The following LTBP1 variants were observed in gnomAD, a reference collection of about 807,000 sequenced individuals.
LTBP1 encodes the protein latent-transforming growth factor beta-binding protein 1.
A neutral mutation model predicts 207.6 loss-of-function variants in LTBP1; 129 were observed. The ratio of observed to expected loss-of-function variants is 0.62; its 90% CI spans 0.54 to 0.72. The LOEUF is 0.72. Ranked by LOEUF, LTBP1 falls within the 30% of genes least tolerant of loss-of-function variation. LTBP1 has a pLI of 0.00. For synonymous variants in LTBP1, 963 were observed against 833.7 expected, an observed-to-expected ratio of 1.16 and a Z score of -2.67; for missense variants, 2,281 against 2,217.2, an observed-to-expected ratio of 1.03 and a Z score of -0.58.
intron 7 of LTBP1, among the ~76,000 whole-genome samples, chr2:33,214,343 G>T (rs1428702215): frequency 6.6e-6 from 1 of 152,116 alleles, no homozygotes; most frequent in Non-Finnish European, 1.5e-5. Flanking sequence ...AGCTCAAGGA[G>T]TATGGAAACT....
intron 7 of LTBP1, among the ~76,000 whole-genome samples, chr2:33,209,487 A>G (rs1413390074): frequency 6.6e-6 from 1 of 152,166 alleles, no homozygotes; most frequent in East Asian, 1.9e-4. Flanking sequence ...TACAAGTTGA[A>G]TTATTGGAAT....
chr2:33,330,708 T>C (rs2094482835), intron 24 of LTBP1, among the ~76,000 whole-genome samples: 1 of 151,568 alleles, frequency 6.6e-6, no homozygotes, highest in South Asian at 2.1e-4. Context: ...AGTCTAAGCT[T>C]CAGTAATCTA....
chr2:33,249,364 CACAT>C (rs1449221894), intron 10 of LTBP1, among the ~76,000 whole-genome samples: 3 of 145,306 alleles, frequency 2.1e-5, no homozygotes, highest in African/African-American at 5.0e-5. Flanking sequence ...CACACACACA[CACAT>C]TTACAACCTC....
chr2:33,342,813 C>T (rs73925695), intron 24 of LTBP1, 25 bp from the exon 25 acceptor site: 1 of 1,610,500 alleles, frequency 6.2e-7, no homozygotes, highest in Non-Finnish European at 8.5e-7. Context: ...TGTTTTGTGT[C>T]TGATGTTCCA....
At chr2:33,175,698 T>A (rs982770262) in intron 5 of LTBP1, among the ~76,000 whole-genome samples, 13 of 152,150 alleles carry the variant, frequency 8.5e-5, no homozygotes, top group African/African-American at 3.1e-4. Context: ...TGAAGACACA[T>A]GCACACGTAT....
intron 3 of LTBP1, among the ~76,000 whole-genome samples, chr2:33,031,549 A>C (rs947306630): frequency 6.6e-6 from 1 of 152,250 alleles, no homozygotes; most frequent in Admixed American, 6.5e-5. Flanking sequence ...TATGTGGTGC[A>C]TAGTATAAAT....
intron 19 of LTBP1, among the ~76,000 whole-genome samples, chr2:33,286,840 C>G (rs1210264313): frequency 1.3e-5 from 2 of 152,116 alleles, no homozygotes; most frequent in African/African-American, 4.8e-5. Context: ...GACAAAAAAC[C>G]AAACACCGCA....
chr2:33,112,047 T>C (rs1002665474), intron 4 of LTBP1, among the ~76,000 whole-genome samples: 2 of 152,254 alleles, frequency 1.3e-5, no homozygotes. Flanking sequence ...ATGTACTTCT[T>C]ATTTCCTTGG....
At chr2:33,010,952 C>T (rs944110637) in intron 2 of LTBP1, among the ~76,000 whole-genome samples, 1 of 151,924 alleles carries the variant, frequency 6.6e-6, no homozygotes, top group Non-Finnish European at 1.5e-5. Flanking sequence ...TCTCTTGACC[C>T]CGTGATCTGC....
intron 9 of LTBP1, among the ~76,000 whole-genome samples, chr2:33,237,742 C>A (rs986592698): frequency 6.6e-6 from 1 of 152,070 alleles, no homozygotes; most frequent in African/African-American, 2.4e-5. Flanking sequence ...TTATTCTGTG[C>A]CTGTGAGAAT....
rs180860023 is a variant in LTBP1, at chr2:33,364,586, C to T, written c.4540+230C>T. 1.3e-3 allele frequency among the ~76,000 whole-genome samples: 201 copies of T among 152,282 alleles called. No homozygotes were observed. In the Middle Eastern group the frequency reaches 0.017, roughly 13 times the overall value. On this transcript the variant is annotated intron_variant, in intron 30 of 33. Transcript: ENST00000404816. ...TCATTAAGTATGGACTATGGAGTGG[C>T]TGAGCAGATGGCAGGGTTGTTCCAT...
At chr2:33,321,928 T>A (rs1314335570) in intron 24 of LTBP1, among the ~76,000 whole-genome samples, 1 of 152,210 alleles carries the variant, frequency 6.6e-6, no homozygotes, top group Non-Finnish European at 1.5e-5. Context: ...TCACACTCAC[T>A]CTTCCTGTGA....
chr2:33,172,124 A>G (rs1270360005), intron 5 of LTBP1, among the ~76,000 whole-genome samples: 1 of 152,202 alleles, frequency 6.6e-6, no homozygotes, highest in Non-Finnish European at 1.5e-5. Context: ...ACCAGCTAAC[A>G]TCAAAATGAC....
At chr2:33,173,352 T>A (rs1197902296) in intron 5 of LTBP1, among the ~76,000 whole-genome samples, 1 of 151,938 alleles carries the variant, frequency 6.6e-6, no homozygotes, top group Non-Finnish European at 1.5e-5. Context: ...AAATACAAAC[T>A]ACCATCAGAG....
intron 5 of LTBP1, among the ~76,000 whole-genome samples, chr2:33,145,896 A>C (rs1294930750): frequency 6.6e-6 from 1 of 152,172 alleles, no homozygotes; most frequent in African/African-American, 2.4e-5. Flanking sequence ...AGAAATCATA[A>C]CCTTATTTGG....
chr2:33,250,238 G>C (rs182215460), intron 10 of LTBP1, among the ~76,000 whole-genome samples: 5 of 152,178 alleles, frequency 3.3e-5, no homozygotes, highest in African/African-American at 1.2e-4. Flanking sequence ...ACCCTGTCAG[G>C]TATATGTGGC....
chr2:33,264,455 A>G (rs75225170), intron 15 of LTBP1, among the ~76,000 whole-genome samples: 8,634 of 152,208 alleles, frequency 0.057, 811 homozygotes, highest in African/African-American at 0.2. Context: ...TCATGAGTGA[A>G]ATAGCATAAA....
chr2:33,308,993 C>G (rs772446897), intron 22 of LTBP1, among the ~76,000 whole-genome samples: 3 of 151,898 alleles, frequency 2.0e-5, no homozygotes, highest in Non-Finnish European at 4.4e-5. Context: ...TTAAAAGTTC[C>G]ATTTCTTGGC....
intron 7 of LTBP1, among the ~76,000 whole-genome samples, chr2:33,192,459 A>G (rs571070423): frequency 4.6e-5 from 7 of 152,270 alleles, no homozygotes; most frequent in Admixed American, 4.6e-4. Context: ...AGTTAAAAAC[A>G]TCACACTCAG....
Sources: allele counts gnomAD v4.1 joint callset (sites outside exome capture counted in the v4.1 genomes callset), GRCh38; gene constraint gnomAD v4.1.1; transcripts MANE v1.5; gene names NCBI Gene and HGNC (gene_info 2026-07-23, HGNC 2026-07-21).